MTUS1: variants seen among roughly 807,000 people sequenced by gnomAD.
MTUS1 encodes microtubule-associated tumor suppressor 1.
Under a neutral mutation model 120.8 loss-of-function variants are expected in MTUS1, and 109 were observed. That is an observed-to-expected ratio of 0.90 (90% CI 0.77 to 1.06). MTUS1 has a LOEUF of 1.06. Ranked by LOEUF, MTUS1 falls within the 50% of genes least tolerant of loss-of-function variation. The pLI, the probability that MTUS1 is intolerant of heterozygous loss-of-function variation, is 0.00. For synonymous variants in MTUS1, 737 were observed against 550.5 expected (o/e 1.34, Z -4.74); for missense variants, 2,210 against 1,486.3 (o/e 1.49, Z -8.01).
intron 6 of MTUS1, among the ~76,000 whole-genome samples, chr8:17,686,319 T>C (rs773348805): frequency 5.1e-4 from 77 of 152,232 alleles, no homozygotes; most frequent in Non-Finnish European, 9.8e-4. Context: ...AAAATAAATA[T>C]TTATGCAACA....
chr8:17,646,892 G>T, intron 14 of MTUS1, 90 bp downstream of exon 14: 1 of 839,374 alleles, frequency 1.2e-6, no homozygotes, highest in Non-Finnish European at 2.0e-6. Flanking sequence ...CATATTTCCA[G>T]GAGGTGCAGG....
Position 17,744,693 on chromosome 8 carries a change from T to C in MTUS1, c.2092-894A>G, listed in dbSNP as rs865954172. Among the ~76,000 whole-genome samples the C allele has an allele frequency of 1.4e-3, 203 of 148,444 alleles. 2 individuals carry two copies. The highest frequency in any genetic ancestry group is 2.3e-3 in the East Asian group (12 of 5,138). On this transcript the variant is annotated intron_variant, in intron 2 of 14. Coordinates refer to ENST00000693296, the MANE Select transcript of MTUS1 (RefSeq NM_001363059.2). ...GATGGGGTTTCACCATGTTTTCTTTTTTTTTTTTTTTTTTTTGATTTTTTG... is the reference window on the plus strand; with the variant it reads ...GATGGGGTTTCACCATGTTTTCTTTCTTTTTTTTTTTTTTTTGATTTTTTG...
chr8:17,692,922 G>A (rs143394060), intron 6 of MTUS1, among the ~76,000 whole-genome samples: 1 of 152,134 alleles, frequency 6.6e-6, no homozygotes, highest in African/African-American at 2.4e-5. Context: ...GCCATCCCTC[G>A]ATACGTACGT....
chr8:17,696,123 C>T (rs1301607287), intron 6 of MTUS1, among the ~76,000 whole-genome samples: 1 of 152,118 alleles, frequency 6.6e-6, no homozygotes, highest in South Asian at 2.1e-4. Context: ...CTGCAGCGGC[C>T]CTGAGCTGGG....
intron 3 of MTUS1, among the ~76,000 whole-genome samples, chr8:17,736,173 C>T (rs1163115554): frequency 6.6e-6 from 1 of 152,212 alleles, no homozygotes; most frequent in Non-Finnish European, 1.5e-5. Flanking sequence ...TTCCACAAAG[C>T]AATCTTCTCC....
At chr8:17,736,585 T>G (rs1260055428) in intron 3 of MTUS1, among the ~76,000 whole-genome samples, 1 of 151,656 alleles carries the variant, frequency 6.6e-6, no homozygotes, top group African/African-American at 2.4e-5. Context: ...TTTATTTTAT[T>G]TTTTGCTTGT....
chr8:17,762,333 C>T (rs1193571289), intron 1 of MTUS1, among the ~76,000 whole-genome samples: 2 of 152,162 alleles, frequency 1.3e-5, no homozygotes, highest in Non-Finnish European at 2.9e-5. Flanking sequence ...ATGTCATCAG[C>T]AGCATGTATT....
chr8:17,682,952 C>T (rs1483052907), intron 7 of MTUS1, among the ~76,000 whole-genome samples: 1 of 151,848 alleles, frequency 6.6e-6, no homozygotes, highest in East Asian at 1.9e-4. Context: ...ACAAAAAAAT[C>T]TGGAGAAAGC....
chr8:17,775,216 G>A (rs1208356840), intron 1 of MTUS1, among the ~76,000 whole-genome samples: 4 of 152,078 alleles, frequency 2.6e-5, no homozygotes, highest in South Asian at 2.1e-4. Flanking sequence ...CCACTGAACC[G>A]TACACTCAAA....
chr8:17,697,890 A>G (rs1388150361), intron 6 of MTUS1, among the ~76,000 whole-genome samples: 2 of 152,124 alleles, frequency 1.3e-5, no homozygotes, highest in Admixed American at 6.5e-5. Flanking sequence ...TGATTTTAAC[A>G]TTTTTCACTC....
chr8:17,721,711 C>T, intron 4 of MTUS1: 1 of 1,553,384 alleles, frequency 6.4e-7, no homozygotes, highest in Non-Finnish European at 8.7e-7. Context: ...CGTCGACCTA[C>T]TTTTTTTCCC....
chr8:17,683,124 T>A (rs1814952034), intron 7 of MTUS1, among the ~76,000 whole-genome samples: 2 of 151,966 alleles, frequency 1.3e-5, no homozygotes, highest in South Asian at 4.2e-4. Flanking sequence ...TACAAAAAAC[T>A]AGCCGGGCGT....
intron 13 of MTUS1, chr8:17,647,325 T>A: frequency 2.6e-6 from 1 of 386,346 alleles, no homozygotes; most frequent in Admixed American, 4.3e-5. Flanking sequence ...GGTAACAGAT[T>A]TGTTCCAGGT....
intron 6 of MTUS1, among the ~76,000 whole-genome samples, chr8:17,705,018 C>G (rs1254158631): frequency 1.3e-5 from 2 of 152,186 alleles, no homozygotes; most frequent in African/African-American, 4.8e-5. Flanking sequence ...GAGTCTTGCT[C>G]TGTCACCCAG....
chr8:17,685,428 G>C (rs570000506), intron 6 of MTUS1, among the ~76,000 whole-genome samples: 97 of 149,962 alleles, frequency 6.5e-4, no homozygotes, highest in Non-Finnish European at 1.1e-3. Flanking sequence ...AAATAAACAA[G>C]CCAAGTAATC....
At position 17,758,614 on chromosome 8, in the gene MTUS1, G is replaced by T. The variant is rs77676509; in HGVS notation, c.-154-2653C>A. Among the ~76,000 whole-genome samples, 32 of 152,198 alleles carry T rather than the reference G, an allele frequency of 2.1e-4. No homozygotes were observed. In the East Asian group the frequency reaches 5.6e-3, roughly 27 times the overall value. On this transcript the variant is annotated intron_variant, in intron 1 of 14. Transcript: ENST00000693296. ...ATTCATTTTTAGGCTTACATGCAGG[G>T]GATATAATTTCCAAAAGCACTAAAT... is the stretch of plus-strand genomic sequence containing the variant.
chr8:17,711,931 G>A lies in MTUS1; in HGVS notation c.2623+1283C>T, dbSNP rs374131669. 5.3e-5 allele frequency among the ~76,000 whole-genome samples: 8 copies of A among 152,192 alleles called. No homozygotes were observed. The East Asian group carries it at 9.6e-4, about 18-fold the overall frequency. ...GATGGAAGAGGGACCAGTCAGTGGA[G>A]CACTTGAAATGCAAACGTATCAGCT... On this transcript the variant is annotated intron_variant, in intron 6 of 14. Transcript: ENST00000693296.
intron 3 of MTUS1, among the ~76,000 whole-genome samples, chr8:17,732,928 G>A (rs1008279097): frequency 6.6e-6 from 1 of 152,042 alleles, no homozygotes; most frequent in East Asian, 1.9e-4. Flanking sequence ...AGCGACCCCC[G>A]CAAGCTGATC....
chr8:17,746,932 C>G (rs1254004857), intron 2 of MTUS1, among the ~76,000 whole-genome samples: 2 of 152,162 alleles, frequency 1.3e-5, no homozygotes, highest in Non-Finnish European at 2.9e-5. Context: ...ACAACATACC[C>G]AGGCACCCAA....
Sources: gnomAD v4.1 joint callset for allele counts (sites outside exome capture counted in the v4.1 genomes callset) on GRCh38, gnomAD v4.1.1 for gene constraint, MANE v1.5 for transcripts, NCBI Gene and HGNC (gene_info 2026-07-23, HGNC 2026-07-21) for gene names.